FANK1: variants seen among roughly 807,000 people sequenced by gnomAD.
The protein encoded by FANK1 is fibronectin type 3 and ankyrin repeat domains protein 1.
A neutral mutation model predicts 45.3 loss-of-function variants in FANK1; 44 were observed. The ratio of observed to expected loss-of-function variants is 0.97; its 90% CI spans 0.76 to 1.25. The LOEUF (loss-of-function observed/expected upper bound fraction) is 1.25. FANK1 is among the 50% of genes most tolerant of loss of function. FANK1 has a pLI of 0.00. For missense variants in FANK1, 391 were observed against 424.4 expected, an observed-to-expected ratio of 0.92 and a Z score of 0.69; for synonymous variants, 149 against 152.5, an observed-to-expected ratio of 0.98 and a Z score of 0.17.
intron 1 of FANK1, among the ~76,000 whole-genome samples, chr10:125,928,690 A>G (rs934568512): frequency 2.6e-5 from 4 of 152,090 alleles, no homozygotes; most frequent in Admixed American, 2.0e-4. Context: ...TTGTAATGTG[A>G]ATTTCTGTAA....
chr10:125,918,571 AAAAAAAAAAAAAAAATAT>A (rs1488259024), intron 1 of FANK1, among the ~76,000 whole-genome samples: 24 of 120,436 alleles, frequency 2.0e-4, no homozygotes, highest in African/African-American at 8.7e-4. Context: ...AAAAAAAAAA[AAAAAAAAAAAAAAAATAT>A]ATATATATAT....
intron 3 of FANK1, among the ~76,000 whole-genome samples, chr10:125,990,012 G>T (rs1268624193): frequency 6.6e-6 from 1 of 152,134 alleles, no homozygotes; most frequent in Non-Finnish European, 1.5e-5. Context: ...CTTCTTCCCT[G>T]GAGCACTCAC....
intron 1 of FANK1, among the ~76,000 whole-genome samples, chr10:125,978,956 C>G (rs991168405): frequency 7.9e-5 from 12 of 152,234 alleles, no homozygotes; most frequent in Non-Finnish European, 1.6e-4. Flanking sequence ...GCTCCAGGGT[C>G]TCCACGCGTG....
chr10:125,957,306 C>G (rs1483226342), intron 1 of FANK1, among the ~76,000 whole-genome samples: 3 of 152,100 alleles, frequency 2.0e-5, no homozygotes, highest in African/African-American at 7.2e-5. Context: ...TCCTATTAAC[C>G]TCACAAAACG....
intron 1 of FANK1, among the ~76,000 whole-genome samples, chr10:125,900,497 A>G (rs1016176168): frequency 5.3e-5 from 8 of 152,030 alleles, no homozygotes; most frequent in Non-Finnish European, 1.2e-4. Context: ...AAAACTGTAT[A>G]TTTATCAAAT....
At chr10:125,969,271 T>C (rs1007852378) in intron 1 of FANK1, among the ~76,000 whole-genome samples, 1 of 151,962 alleles carries the variant, frequency 6.6e-6, no homozygotes, top group Non-Finnish European at 1.5e-5. Flanking sequence ...ACAAAATCTT[T>C]AGAAAAGTTA....
chr10:125,994,681 C>T (rs1369162661), intron 3 of FANK1: 3 of 985,192 alleles, frequency 3.0e-6, no homozygotes, highest in East Asian at 2.3e-4. Context: ...AAACTAGAAA[C>T]GCCTAGAAAG....
At chr10:125,903,691 TA>T (rs1200689034) in intron 1 of FANK1, among the ~76,000 whole-genome samples, 1 of 152,022 alleles carries the variant, frequency 6.6e-6, no homozygotes, top group African/African-American at 2.4e-5. Context: ...TTAATTTTTT[TA>T]ATTTAAATAA....
chr10:125,976,693 G>A (rs572827315), intron 1 of FANK1, among the ~76,000 whole-genome samples: 22 of 151,772 alleles, frequency 1.4e-4, no homozygotes, highest in Admixed American at 7.9e-4. Flanking sequence ...AACAATCTCC[G>A]CTCACTGCAG....
chr10:125,956,979 C>T (rs917215631), intron 1 of FANK1, among the ~76,000 whole-genome samples: 3 of 152,164 alleles, frequency 2.0e-5, no homozygotes, highest in East Asian at 1.9e-4. Context: ...CTCAGCCTCC[C>T]GAATAGCTAG....
intron 1 of FANK1, among the ~76,000 whole-genome samples, chr10:125,907,948 A>G (rs1433345692): frequency 6.6e-6 from 1 of 151,342 alleles, no homozygotes; most frequent in Non-Finnish European, 1.5e-5. Context: ...CTGTGCCCCA[A>G]TTCCTGACCC....
intron 1 of FANK1, among the ~76,000 whole-genome samples, chr10:125,953,418 G>T (rs1949378570): frequency 6.6e-6 from 1 of 152,204 alleles, no homozygotes; most frequent in African/African-American, 2.4e-5. Context: ...CAGGGTGACT[G>T]ATCAGGGAGG....
intron 1 of FANK1, among the ~76,000 whole-genome samples, chr10:125,911,365 C>T (rs1275946037): frequency 2.0e-5 from 3 of 152,234 alleles, no homozygotes; most frequent in East Asian, 1.9e-4. Context: ...TTTAGCTCCG[C>T]AAGACGCGTT....
chr10:125,918,835 G>A (rs200474085), intron 1 of FANK1, among the ~76,000 whole-genome samples: 1 of 151,720 alleles, frequency 6.6e-6, no homozygotes, highest in African/African-American at 2.4e-5. Context: ...TTATGCCCTA[G>A]ATAGTTGGAG....
rs577855125 is a variant in FANK1, at chr10:125,970,404, C to T, written c.14-9757C>T. Among the ~76,000 whole-genome samples the T allele has an allele frequency of 4.9e-4, 74 of 151,794 alleles. 1 individual carries two copies. Among genetic ancestry groups the T allele is most frequent in the Middle Eastern group, 3.4e-3 (1 of 292 alleles). On this transcript the variant is annotated intron_variant, in intron 1 of 10. Coordinates refer to ENST00000368693, the MANE Select transcript of FANK1 (RefSeq NM_145235.5). ...CAGACGATGGGCGGCCAGGCAGAGACGCTCCTCACTTCCTAGACGGGGTGG... is the reference window on the plus strand; with the variant it reads ...CAGACGATGGGCGGCCAGGCAGAGATGCTCCTCACTTCCTAGACGGGGTGG...
chr10:125,899,813 G>C (rs558358545), intron 1 of FANK1, among the ~76,000 whole-genome samples: 1 of 152,224 alleles, frequency 6.6e-6, no homozygotes, highest in African/African-American at 2.4e-5. Context: ...TGTTCCTTTT[G>C]TTACTGAGAG....
chr10:125,975,966 G>T (rs1290985126), intron 1 of FANK1, among the ~76,000 whole-genome samples: 1 of 152,102 alleles, frequency 6.6e-6, no homozygotes, highest in Non-Finnish European at 1.5e-5. Context: ...GCTGGTAGCG[G>T]TCTTTCCTTT....
At chr10:125,997,804 G>T (rs892844560) in intron 6 of FANK1, among the ~76,000 whole-genome samples, 1 of 152,242 alleles carries the variant, frequency 6.6e-6, no homozygotes, top group Non-Finnish European at 1.5e-5. Flanking sequence ...CGCGCTGGGC[G>T]TGGGTGCAAG....
intron 2 of FANK1, among the ~76,000 whole-genome samples, chr10:125,981,182 T>A (rs917402628): frequency 6.6e-6 from 1 of 152,204 alleles, no homozygotes; most frequent in Non-Finnish European, 1.5e-5. Flanking sequence ...CAAATGCTTC[T>A]GGCATGAACC....
Sources: gnomAD v4.1 joint callset for allele counts (sites outside exome capture counted in the v4.1 genomes callset) on GRCh38, gnomAD v4.1.1 for gene constraint, MANE v1.5 for transcripts, NCBI Gene and HGNC (gene_info 2026-07-23, HGNC 2026-07-21) for gene names.